POLRMT: variants seen among roughly 807,000 people sequenced by gnomAD.
POLRMT encodes DNA-directed RNA polymerase, mitochondrial.
A neutral mutation model predicts 132.2 loss-of-function variants in POLRMT; 114 were observed. That is an observed-to-expected ratio of 0.86 (90% CI 0.74 to 1.01). The LOEUF (loss-of-function observed/expected upper bound fraction) is 1.01. Among genes scored for constraint, POLRMT ranks in the 50% least tolerant of loss-of-function variants. The pLI is 0.00. For synonymous variants in POLRMT, 1,020 were observed against 773.4 expected (o/e 1.32, Z -5.29); for missense variants, 2,003 against 1,729.1 (o/e 1.16, Z -2.81).
intron 1 of POLRMT, 199 bp from the exon 2 acceptor site, chr19:633,137 G>A (rs1360575761): frequency 5.0e-6 from 3 of 598,374 alleles, no homozygotes; most frequent in Admixed American, 3.5e-5. Context: ...CGGAACCGCC[G>A]AGAGAGGGTT....
intron 9 of POLRMT, 44 bp from the exon 10 acceptor site, chr19:621,890 C>T (rs1166729704): frequency 1.3e-6 from 2 of 1,588,546 alleles, no homozygotes; most frequent in Middle Eastern, 1.7e-4. Flanking sequence ...GGTGCTGGGG[C>T]TTTCCTGTTC....
At chr19:619,840 C>G (rs1166624245) in intron 12 of POLRMT, 75 bp from the exon 13 acceptor site, 40 of 1,553,094 alleles carry the variant, frequency 2.6e-5, no homozygotes, top group Non-Finnish European at 3.5e-5. Flanking sequence ...CCATGAAGCC[C>G]CCGCCCCAGC....
At chr19:626,964 T>C (rs1227053805) in intron 3 of POLRMT, among the ~76,000 whole-genome samples, 2 of 151,502 alleles carry the variant, frequency 1.3e-5, no homozygotes, top group Admixed American at 6.6e-5. Context: ...TTTCCTGACA[T>C]CCCTGTTCTG....
rs115969318 is a variant in POLRMT, at chr19:618,698, C to A, written c.3323+7G>T. 625 of 1,606,720 alleles carry A rather than the reference C, an allele frequency of 3.9e-4. 1 individual carries two copies. The African/African-American group carries it at 7.1e-3, about 18-fold the overall frequency. On this transcript the variant is annotated splice_region_variant and intron_variant, in intron 16 of 20. Coordinates refer to ENST00000588649, the MANE Select transcript of POLRMT (RefSeq NM_005035.4). ...CGGCCAGGCCCCAGCCCGGGCCCCCCACTCACCGGCTGATGTCTCCGTTGT... is the reference window on the plus strand; with the variant it reads ...CGGCCAGGCCCCAGCCCGGGCCCCCAACTCACCGGCTGATGTCTCCGTTGT...
Position 620,351 on chromosome 19 carries a change from C to A in POLRMT, c.2763+14G>T. On this transcript the variant is annotated intron_variant, in intron 11 of 20. Coordinates refer to ENST00000588649, the MANE Select transcript of POLRMT (RefSeq NM_005035.4). ...ACACTGCACGGCCTCGGGGGCCAGA[C>A]CCAGCTGGCTCACCTGATGGACGGG... 1 of 1,563,424 alleles carries A rather than the reference C, an allele frequency of 6.4e-7. No individual in the cohort carries two copies. The highest frequency in any genetic ancestry group is 2.1e-4 in the Middle Eastern group (1 of 4,790).
rs1337226212 is a variant in POLRMT, at chr19:621,327, C to T, written c.2371G>A (p.Asp791Asn). 1.3e-6 allele frequency: 2 copies of T among 1,593,048 alleles called. No homozygotes were observed. Among genetic ancestry groups the T allele is most frequent in the Non-Finnish European group, 1.7e-6 (2 of 1,176,010 alleles). Residue 791 changes from aspartate to asparagine, a missense_variant, in exon 10 of 21, where the codon GAC (aspartate) becomes AAC (asparagine). Transcript: ENST00000588649. ...TTGTGCGGCAGCCAGAAGACGCGGT[C>T]CCGCAGGTGCTGCGCCAGCGAGAGG... Reference protein sequence around the residue: ...YRLSLAQHLRDRVFWLPHNMD... With the variant: ...YRLSLAQHLRNRVFWLPHNMD...
Position 622,832 on chromosome 19 carries a change from T to G in POLRMT, c.1444A>C (p.Met482Leu), listed in dbSNP as rs141490879. 29 of 1,596,080 alleles carry G rather than the reference T, an allele frequency of 1.8e-5. No individual in the cohort carries two copies. In the East Asian group the frequency reaches 3.4e-4, roughly 19 times the overall value. ...CLLDEREVVR[M>L]LLQVLQALPA... Reference sequence around the variant, plus strand: ...GGAGGAAGACGCACCTGCAGGAGCATCCGCACCACCTCGCGCTCGTCCAGC... The same window carrying G: ...GGAGGAAGACGCACCTGCAGGAGCAGCCGCACCACCTCGCGCTCGTCCAGC... Residue 482 changes from methionine (M) to leucine (L), a missense_variant, in exon 7 of 21, where the codon ATG becomes CTG. Physicochemically the swap from Met to Leu is conservative, Grantham distance 15. Coordinates refer to ENST00000588649, the MANE Select transcript of POLRMT (RefSeq NM_005035.4).
In POLRMT at chr19:617,224, T is replaced by C. The variant is rs753339461; in HGVS notation, c.*50A>G. The C allele has an allele frequency of 6.3e-7, 1 of 1,597,746 alleles. No homozygotes were observed. Among genetic ancestry groups the C allele is most frequent in the Non-Finnish European group, 8.6e-7 (1 of 1,167,774 alleles). ...CACCCTTCCTGAAGACAGTGGCTCCTGGGGGTGGCAAAAGAGCTTTATTTA... is the reference window on the plus strand; with the variant it reads ...CACCCTTCCTGAAGACAGTGGCTCCCGGGGGTGGCAAAAGAGCTTTATTTA... On this transcript the variant is annotated 3_prime_UTR_variant, in exon 21 of 21. Coordinates refer to ENST00000588649, the MANE Select transcript of POLRMT (RefSeq NM_005035.4).
chr19:624,608 C>T, intron 5 of POLRMT, 111 bp downstream of exon 5: 1 of 1,246,254 alleles, frequency 8.0e-7, no homozygotes. Flanking sequence ...CAGGGCCCAG[C>T]CCAGGTGAGC....
rs1255985973 is a variant in POLRMT, at chr19:622,584, C to T, written c.1624G>A (p.Glu542Lys). ...AGGAGAGGGGGTGCGAGCCTCACCT[C>T]GGCGTCGGAGGCCAGCAAGCAGAGG... ...KYLCLLASDA[E>K]VPEPCLPRQY... is the part of the protein sequence containing the mutation. The change falls in exon 8 of 21, where the codon GAG (glutamate) becomes AAG (lysine). Residue 542 changes from glutamate (E) to lysine (K), a missense_variant and splice_region_variant. Coordinates refer to ENST00000588649, the MANE Select transcript of POLRMT (RefSeq NM_005035.4). The T allele has an allele frequency of 3.1e-6, 5 of 1,598,284 alleles. No homozygotes were observed. The highest frequency in any genetic ancestry group is 3.4e-5 in the Admixed American group (2 of 59,088).
At position 621,413 on chromosome 19, in the gene POLRMT, A is replaced by G. The variant is rs748585051; in HGVS notation, c.2285T>C (p.Leu762Pro). The G allele has an allele frequency of 1.2e-4, 188 of 1,511,014 alleles. No homozygotes were observed. The highest frequency in any genetic ancestry group is 1.6e-4 in the Non-Finnish European group (183 of 1,134,848). 93.6% of individuals were successfully genotyped at this position (1,511,014 alleles called of 1,614,324 possible). Residue 762 changes from leucine to proline, a missense_variant, in exon 10 of 21, where the codon CTG becomes CCG. Transcript: ENST00000588649. ...PARKAELRRE[L>P]AHCQKVAREM... is the part of the protein sequence containing the mutation. The stretch of plus-strand genomic sequence containing the variant: ...CCGGGCCACCTTCTGGCAGTGCGCC[A>G]GCTCACGGCGCAGCTCGGCCTTGCG...
At chr19:630,494 G>A (rs1286002904) in intron 2 of POLRMT, among the ~76,000 whole-genome samples, 2 of 152,118 alleles carry the variant, frequency 1.3e-5, no homozygotes, top group Non-Finnish European at 2.9e-5. Flanking sequence ...CCCGGGGTCT[G>A]TGACAACTCC....
At chr19:619,436 T>G in intron 13 of POLRMT, 140 bp from the exon 14 acceptor site, 1 of 1,365,718 alleles carries the variant, frequency 7.3e-7, no homozygotes, top group East Asian at 2.3e-5. Flanking sequence ...GCCCACGCAG[T>G]CAGCAAGAAA....
At chr19:617,373 T>A (rs756077574) in intron 20 of POLRMT, 46 bp downstream of exon 20, 2 of 1,612,372 alleles carry the variant, frequency 1.2e-6, no homozygotes, top group Non-Finnish European at 1.7e-6. Context: ...AGCCCCGCCC[T>A]GGCCCGCAGT....
At chr19:627,572 A>T (rs894148985) in intron 3 of POLRMT, among the ~76,000 whole-genome samples, 1 of 152,142 alleles carries the variant, frequency 6.6e-6, no homozygotes, top group African/African-American at 2.4e-5. Context: ...TAGCACACAC[A>T]GCTGTTGGCA....
Position 619,004 on chromosome 19 carries a change from T to C in POLRMT, c.3260A>G (p.Lys1087Arg). ...ATGGGGTGGTACACTGACCTTGACC[T>C]TGGAGTCCAGGCGATAGGGCTGGAT... Reference protein sequence around the residue: ...PVIQPYRLDSKVKQIGGGIQS... With the variant: ...PVIQPYRLDSRVKQIGGGIQS... The change falls in exon 15 of 21, where the codon AAG becomes AGG. Residue 1087 changes from lysine (K) to arginine (R), a missense_variant. Lys to Arg is a conservative substitution (Grantham distance 26, BLOSUM62 2). Coordinates refer to ENST00000588649, the MANE Select transcript of POLRMT (RefSeq NM_005035.4). 6.3e-7 allele frequency: 1 copy of C among 1,582,842 alleles called. No homozygotes were observed. Among genetic ancestry groups the C allele is most frequent in the African/African-American group, 1.4e-5 (1 of 73,920 alleles).
At chr19:633,247 G>A (rs1310972544) in intron 1 of POLRMT, 178 bp downstream of exon 1, 3 of 780,786 alleles carry the variant, frequency 3.8e-6, no homozygotes, top group East Asian at 3.3e-5. Context: ...AGGTCAGACT[G>A]CACGGAGGAG....
Position 620,370 on chromosome 19 carries a change from G to A in POLRMT, c.2758C>T (p.His920Tyr), listed in dbSNP as rs1600563105. Residue 920 changes from histidine to tyrosine, a missense_variant, in exon 11 of 21, where the codon CAT becomes TAT. Coordinates refer to ENST00000588649, the MANE Select transcript of POLRMT (RefSeq NM_005035.4). ...GCCAGACCCAGCTGGCTCACCTGAT[G>A]GACGGGGAGGTGGGAGACATAGGCG... ...PAAYVSHLPV[H>Y]QDGSCNGLQH... is the part of the protein sequence containing the mutation. 8 of 1,575,846 alleles carry A rather than the reference G, an allele frequency of 5.1e-6. No homozygotes were observed. Among genetic ancestry groups the A allele is most frequent in the Admixed American group, 3.6e-5 (2 of 54,834 alleles).
intron 8 of POLRMT, 67 bp from the exon 9 acceptor site, chr19:622,440 CCTG>C: frequency 6.8e-7 from 1 of 1,471,202 alleles, no homozygotes; most frequent in Non-Finnish European, 9.1e-7. Flanking sequence ...ACCGCCCGTG[CCTG>C]ACGCCCGGTG....
Sources: allele counts gnomAD v4.1 joint callset (sites outside exome capture counted in the v4.1 genomes callset), GRCh38; gene constraint gnomAD v4.1.1; transcripts MANE v1.5; gene names NCBI Gene and HGNC (gene_info 2026-07-23, HGNC 2026-07-21).